DNAH11: variants seen among roughly 807,000 people sequenced by gnomAD.
DNAH11 encodes the protein axonemal beta dynein heavy chain 11.
A neutral mutation model predicts 526.0 loss-of-function variants in DNAH11; 442 were observed. The ratio of observed to expected loss-of-function variants is 0.84; its 90% CI spans 0.78 to 0.91. The LOEUF is 0.91. DNAH11 is among the 40% of genes least tolerant of loss of function. The pLI is 0.00. For synonymous variants in DNAH11, 2,461 were observed against 1,935.9 expected (o/e 1.27, Z -7.12); for missense variants, 6,989 against 5,448.7 (o/e 1.28, Z -8.90).
At chr7:21,669,192 T>C (rs1026840594) in intron 30 of DNAH11, among the ~76,000 whole-genome samples, 1 of 152,156 alleles carries the variant, frequency 6.6e-6, no homozygotes, top group Non-Finnish European at 1.5e-5. Context: ...TTGCCTTATA[T>C]ATTTTTAAGA....
In DNAH11 at chr7:21,892,633, G is replaced by A; in HGVS notation, c.12716G>A (p.Ser4239Asn). ...LLEMQPRNALSGDELGQSTEE... is the reference protein window; with the variant it reads ...LLEMQPRNALNGDELGQSTEE... ...GAGATGCAGCCCAGGAATGCACTCA[G>A]TGGTGATGAACTGGGGCAGTCTACA... Residue 4239 changes from serine (S) to asparagine (N), a missense_variant, in exon 77 of 82, where the codon AGT becomes AAT. Transcript: ENST00000409508. The A allele has an allele frequency of 6.2e-7, 1 of 1,612,006 alleles. No individual in the cohort carries two copies. The highest frequency in any genetic ancestry group is 8.5e-7 in the Non-Finnish European group (1 of 1,178,732).
intron 31 of DNAH11, among the ~76,000 whole-genome samples, chr7:21,683,574 TA>T (rs1783234106): frequency 6.6e-6 from 1 of 152,212 alleles, no homozygotes; most frequent in South Asian, 2.1e-4. Context: ...TTGTTTTACA[TA>T]AAAGCCAGTT....
intron 65 of DNAH11, among the ~76,000 whole-genome samples, chr7:21,819,392 C>A (rs1203359141): frequency 3.9e-5 from 6 of 152,088 alleles, no homozygotes; most frequent in African/African-American, 1.4e-4. Flanking sequence ...GAGTGACTGA[C>A]AACTTATAAT....
chr7:21,648,749 A>G (rs1159548557), intron 28 of DNAH11, among the ~76,000 whole-genome samples: 1 of 152,240 alleles, frequency 6.6e-6, no homozygotes, highest in African/African-American at 2.4e-5. Flanking sequence ...GTGGATATAT[A>G]TTCATCAGTA....
chr7:21,697,340 G>C (rs1783899640), intron 35 of DNAH11, among the ~76,000 whole-genome samples: 2 of 152,094 alleles, frequency 1.3e-5, no homozygotes, highest in Non-Finnish European at 2.9e-5. Flanking sequence ...CCCTTTAAAA[G>C]TCTATCCCAG....
chr7:21,581,315 G>A (rs1450187950), intron 8 of DNAH11, among the ~76,000 whole-genome samples: 1 of 152,160 alleles, frequency 6.6e-6, no homozygotes, highest in Non-Finnish European at 1.5e-5. Context: ...TGTATCAGGA[G>A]GAAACTGAGG....
Position 21,854,327 on chromosome 7 carries a change from A to G in DNAH11, c.11074A>G (p.Lys3692Glu), listed in dbSNP as rs771958868. Residue 3692 changes from lysine to glutamate, a missense_variant, in exon 68 of 82, where the codon AAA becomes GAA. Physicochemically the swap from Lys to Glu is moderately conservative, Grantham distance 56 (BLOSUM62 1). Transcript: ENST00000409508. ...AEIEHKVIEA[K>E]ENERKINEAR... ...GATCCCACCATAGGTGATTGAAGCC[A>G]AAGAAAATGAAAGAAAAATCAACGA... 19 of 1,613,660 alleles carry G rather than the reference A, an allele frequency of 1.2e-5. No individual in the cohort carries two copies. Among genetic ancestry groups the G allele is most frequent in the Non-Finnish European group, 1.3e-5 (15 of 1,179,818 alleles).
intron 27 of DNAH11, among the ~76,000 whole-genome samples, chr7:21,638,404 G>C (rs1035303528): frequency 6.6e-6 from 1 of 152,084 alleles, no homozygotes; most frequent in Non-Finnish European, 1.5e-5. Context: ...TTTGGGGCTC[G>C]GGCTCTGCCT....
At position 21,564,311 on chromosome 7, in the gene DNAH11, C is replaced by G; in HGVS notation, c.1108C>G (p.Leu370Val). The G allele has an allele frequency of 3.1e-6, 5 of 1,613,638 alleles. No homozygotes were observed. Among genetic ancestry groups the G allele is most frequent in the Non-Finnish European group, 4.2e-6 (5 of 1,179,716 alleles). The change falls in exon 6 of 82, where the codon CTG becomes GTG. Residue 370 changes from leucine to valine, a missense_variant. Leu to Val is a conservative substitution (Grantham distance 32, BLOSUM62 1). Transcript: ENST00000409508. ...LIAPLFHTIC[L>V]IWSHSKFYNT... ...CGCTCCATTATTTCATACCATCTGT[C>G]TGATCTGGAGTCATTCCAAGTTTTA...
Position 21,801,292 on chromosome 7 carries a change from C to G in DNAH11, c.10165+17C>G. On this transcript the variant is annotated intron_variant, in intron 62 of 81. Transcript: ENST00000409508. ...TTGAGGCAAGTTAAACCTTTTCTTCCAAACATTCTAACTAAAATGTTCAGA... is the reference window on the plus strand; with the variant it reads ...TTGAGGCAAGTTAAACCTTTTCTTCGAAACATTCTAACTAAAATGTTCAGA... The G allele has an allele frequency of 6.2e-7, 1 of 1,613,204 alleles. No homozygotes were observed. Among genetic ancestry groups the G allele is most frequent in the Non-Finnish European group, 8.5e-7 (1 of 1,179,608 alleles).
rs1583766990 is a variant in DNAH11 at position 21,847,219 on chromosome 7, C to T, written c.10896+4471C>T. 2.0e-5 allele frequency among the ~76,000 whole-genome samples: 3 copies of T among 152,250 alleles called. No individual in the cohort carries two copies. The East Asian group carries it at 5.8e-4, about 29-fold the overall frequency. ...CTGATTTTTATTATGTATTCACAAG[C>T]TTGCTTTAGGTTCACATTGCTCCTT... On this transcript the variant is annotated intron_variant, in intron 66 of 81. Transcript: ENST00000409508.
intron 77 of DNAH11, among the ~76,000 whole-genome samples, chr7:21,893,620 C>G (rs776403210): frequency 6.6e-6 from 1 of 152,198 alleles, no homozygotes. Flanking sequence ...TTTCTCCTTT[C>G]TAGATATTGA....
chr7:21,818,154 A>G, intron 64 of DNAH11, 63 bp from the exon 65 acceptor site: 1 of 1,527,678 alleles, frequency 6.5e-7, no homozygotes, highest in Non-Finnish European at 8.9e-7. Context: ...TGATCATTTA[A>G]AAAATTTTGA....
rs1406161307 is a variant in DNAH11 at position 21,774,326 on chromosome 7, T to C, written c.9336+327T>C. Among the ~76,000 whole-genome samples the C allele has an allele frequency of 2.6e-5, 4 of 152,176 alleles. No individual in the cohort carries two copies. The East Asian group carries it at 7.7e-4, about 29-fold the overall frequency. Reference sequence around the variant, plus strand: ...GTACTTGTCGTCAAGGTTCTTATCATCCTAGGATGGACCAGTATCTTTTTT... The same window carrying C: ...GTACTTGTCGTCAAGGTTCTTATCACCCTAGGATGGACCAGTATCTTTTTT... On this transcript the variant is annotated intron_variant, in intron 56 of 81. Coordinates refer to ENST00000409508, the MANE Select transcript of DNAH11 (RefSeq NM_001277115.2).
chr7:21,747,825 CA>C (rs1276285845), intron 51 of DNAH11, among the ~76,000 whole-genome samples: 1 of 152,206 alleles, frequency 6.6e-6, no homozygotes, highest in Non-Finnish European at 1.5e-5. Flanking sequence ...TTGGTCTAAA[CA>C]AATCCATTCT....
intron 2 of DNAH11, among the ~76,000 whole-genome samples, chr7:21,557,997 A>T (rs971657499): frequency 6.6e-6 from 1 of 152,230 alleles, no homozygotes; most frequent in Non-Finnish European, 1.5e-5. Context: ...AATGAAAGTG[A>T]ATTTTCAGCT....
At chr7:21,768,268 G>A (rs1562534776) in intron 55 of DNAH11, among the ~76,000 whole-genome samples, 2 of 152,236 alleles carry the variant, frequency 1.3e-5, no homozygotes, top group Non-Finnish European at 2.9e-5. Flanking sequence ...AAGGCTGTGA[G>A]AAGCTCGTTG....
At chr7:21,640,722 T>C (rs1344832455) in intron 28 of DNAH11, among the ~76,000 whole-genome samples, 1 of 152,120 alleles carries the variant, frequency 6.6e-6, no homozygotes, top group African/African-American at 2.4e-5. Context: ...CCCTTTCTTA[T>C]TAAAAACTTA....
chr7:21,789,401 A>T, intron 61 of DNAH11, 59 bp downstream of exon 61: 1 of 1,145,914 alleles, frequency 8.7e-7, no homozygotes, highest in Non-Finnish European at 1.3e-6. Context: ...CCTCCACCTT[A>T]GGATTCCACC....
Sources: allele counts gnomAD v4.1 joint callset (sites outside exome capture counted in the v4.1 genomes callset), GRCh38; gene constraint gnomAD v4.1.1; transcripts MANE v1.5; gene names NCBI Gene and HGNC (gene_info 2026-07-23, HGNC 2026-07-21).